The following IL1RAPL2 variants were observed in gnomAD, a reference collection of about 807,000 sequenced individuals.
IL1RAPL2 encodes X-linked interleukin-1 receptor accessory protein-like 2.
Under a neutral mutation model 44.1 loss-of-function variants are expected in IL1RAPL2, and 3 were observed. The ratio of observed to expected loss-of-function variants is 0.07; its 90% CI spans 0.03 to 0.18. IL1RAPL2 has a LOEUF of 0.18. IL1RAPL2 is among the 10% of genes least tolerant of loss of function. The probability of loss-of-function intolerance (pLI) is 1.00; values close to 1 mark genes in which losing one functional copy is unlikely to be tolerated. For missense variants in IL1RAPL2, 391 were observed against 496.4 expected, an observed-to-expected ratio of 0.79 and a Z score of 2.02; for synonymous variants, 181 against 178.8, an observed-to-expected ratio of 1.01 and a Z score of -0.10.
At chrX:105,295,684 A>G (rs1741710) in intron 5 of IL1RAPL2, among the ~76,000 whole-genome samples, 28,761 of 111,539 alleles carry the variant, frequency 0.26, 7,091 homozygotes, top group African/African-American at 0.79. Flanking sequence ...TATTTCAGTC[A>G]TTTGTGTTAC....
At chrX:104,678,329 C>G (rs778333373) in intron 2 of IL1RAPL2, among the ~76,000 whole-genome samples, 1 of 111,799 alleles carries the variant, frequency 8.9e-6, no homozygotes, top group Non-Finnish European at 1.9e-5. Flanking sequence ...AGTTTTTAAA[C>G]CTATGTAGAG....
At chrX:105,001,804 A>G (rs1235792016) in intron 2 of IL1RAPL2, among the ~76,000 whole-genome samples, 1 of 111,221 alleles carries the variant, frequency 9.0e-6, no homozygotes, top group Non-Finnish European at 1.9e-5. Flanking sequence ...GCAATGTGAC[A>G]AGGACATGGT....
chrX:104,840,391 T>A (rs886311039), intron 2 of IL1RAPL2, among the ~76,000 whole-genome samples: 2 of 112,167 alleles, frequency 1.8e-5, no homozygotes, highest in African/African-American at 6.5e-5. Context: ...AGTTTCTTAA[T>A]CCTGTGTTCT....
chrX:105,269,456 G>T (rs963828781), intron 5 of IL1RAPL2, among the ~76,000 whole-genome samples: 7 of 110,684 alleles, frequency 6.3e-5, no homozygotes, highest in Non-Finnish European at 1.1e-4. Flanking sequence ...ATAAATGATA[G>T]TTTTACTTCT....
chrX:105,379,739 G>A (rs1428553705), intron 5 of IL1RAPL2, among the ~76,000 whole-genome samples: 1 of 111,564 alleles, frequency 9.0e-6, no homozygotes. Context: ...CCATGAGATG[G>A]CTGTAAGATT....
At chrX:105,058,149 CA>C (rs1421749308) in intron 2 of IL1RAPL2, among the ~76,000 whole-genome samples, 1 of 109,951 alleles carries the variant, frequency 9.1e-6, no homozygotes, top group Non-Finnish European at 1.9e-5. Context: ...GATGGGGTTT[CA>C]CCATGTTACC....
intron 2 of IL1RAPL2, among the ~76,000 whole-genome samples, chrX:105,101,928 G>T (rs947279263): frequency 8.9e-6 from 1 of 112,182 alleles, no homozygotes; most frequent in Non-Finnish European, 1.9e-5. Flanking sequence ...CTGAATGCAG[G>T]AAGCAGGGCT....
chrX:104,964,726 A>T (rs183225859), intron 2 of IL1RAPL2, among the ~76,000 whole-genome samples: 27 of 112,028 alleles, frequency 2.4e-4, no homozygotes, highest in African/African-American at 7.1e-4. Flanking sequence ...GGTTTAGACA[A>T]TATGGTGTAC....
intron 3 of IL1RAPL2, among the ~76,000 whole-genome samples, chrX:105,218,071 C>T (rs1271831488): frequency 1.8e-5 from 2 of 110,723 alleles, no homozygotes; most frequent in East Asian, 5.7e-4. Context: ...ATGTAACAAA[C>T]CTACACGTTC....
intron 2 of IL1RAPL2, among the ~76,000 whole-genome samples, chrX:105,190,438 G>T (rs1364514312): frequency 8.9e-6 from 1 of 112,444 alleles, no homozygotes; most frequent in African/African-American, 3.2e-5. Flanking sequence ...TCGCCCTCTA[G>T]TGGTAATTTT....
At chrX:104,886,607 A>G (rs1447848071) in intron 2 of IL1RAPL2, among the ~76,000 whole-genome samples, 1 of 112,224 alleles carries the variant, frequency 8.9e-6, no homozygotes, top group African/African-American at 3.2e-5. Flanking sequence ...TAATTCCTGT[A>G]TATCCAGTTG....
In IL1RAPL2 at chrX:105,670,105, GTATATATATATATATATATATA is replaced by G. The variant is rs1171872748; in HGVS notation, c.773-47240_773-47219del. On this transcript the variant is annotated intron_variant, in intron 6 of 10. Coordinates refer to ENST00000372582, the MANE Select transcript of IL1RAPL2 (RefSeq NM_017416.2). Reference sequence around the variant, plus strand: ...GTGTGGCTCTATTTCTGGGTTTCCTGTATATATATATATATATATATATATATATATATATATATATATCTCC... The same window carrying G: ...GTGTGGCTCTATTTCTGGGTTTCCTGTATATATATATATATATATATCTCC... Among the ~76,000 whole-genome samples the G allele has an allele frequency of 4.4e-3, 51 of 11,688 alleles. 1 individual carries two copies. Among genetic ancestry groups the G allele is most frequent in the African/African-American group, 7.7e-3 (34 of 4,423 alleles). The allele number at this position is 11,688 out of a possible 115,157, so 10.1% of individuals were successfully genotyped here.
At chrX:104,761,150 C>T (rs1256370557) in intron 2 of IL1RAPL2, among the ~76,000 whole-genome samples, 2 of 111,185 alleles carry the variant, frequency 1.8e-5, no homozygotes, top group African/African-American at 6.6e-5. Flanking sequence ...AAAGACATAC[C>T]TGAGACTAGG....
chrX:105,102,900 A>G (rs1296131187), intron 2 of IL1RAPL2, among the ~76,000 whole-genome samples: 3 of 111,420 alleles, frequency 2.7e-5, no homozygotes, highest in Non-Finnish European at 5.7e-5. Context: ...AATGAGGGGT[A>G]AGAAAGATAG....
chrX:105,362,276 C>T (rs936453357), intron 5 of IL1RAPL2, among the ~76,000 whole-genome samples: 2 of 111,448 alleles, frequency 1.8e-5, no homozygotes, highest in African/African-American at 6.5e-5. Context: ...TGGATGGATG[C>T]ATTTTACTTT....
chrX:104,584,684 C>T (rs982452166), intron 1 of IL1RAPL2, among the ~76,000 whole-genome samples: 1 of 111,139 alleles, frequency 9.0e-6, no homozygotes, highest in East Asian at 2.8e-4. Flanking sequence ...GTGACATTTC[C>T]TATCCAAGGT....
At chrX:105,246,261 T>A (rs2034218247) in intron 4 of IL1RAPL2, among the ~76,000 whole-genome samples, 1 of 112,156 alleles carries the variant, frequency 8.9e-6, no homozygotes, top group African/African-American at 3.2e-5. Context: ...AAAGGAAAAT[T>A]ACAAAACTAA....
intron 2 of IL1RAPL2, among the ~76,000 whole-genome samples, chrX:105,138,415 G>A (rs1392417406): frequency 9.6e-6 from 1 of 103,915 alleles, no homozygotes; most frequent in Admixed American, 1.0e-4. Flanking sequence ...GACTTTATGA[G>A]GTTAAATTAG....
At chrX:105,695,305 G>A (rs1044032420) in intron 6 of IL1RAPL2, among the ~76,000 whole-genome samples, 2 of 111,653 alleles carry the variant, frequency 1.8e-5, no homozygotes, top group African/African-American at 6.5e-5. Flanking sequence ...CGTATTTTCA[G>A]GGAAAAATGT....
Sources: gnomAD v4.1 joint callset for allele counts (sites outside exome capture counted in the v4.1 genomes callset) on GRCh38, gnomAD v4.1.1 for gene constraint, MANE v1.5 for transcripts, NCBI Gene and HGNC (gene_info 2026-07-23, HGNC 2026-07-21) for gene names.